IZUMO1: variants seen among roughly 807,000 people sequenced by gnomAD.
IZUMO1 encodes the protein izumo sperm-oocyte fusion 1.
In IZUMO1, 44 loss-of-function variants were observed where a neutral mutation model predicts 40.7. The observed-to-expected ratio is 1.08, with a 90% CI of 0.85 to 1.39. The LOEUF (loss-of-function observed/expected upper bound fraction) is 1.39, where lower values mean the gene tolerates loss of function less well. Ranked by LOEUF, IZUMO1 falls within the 40% of genes most tolerant of loss-of-function variation. IZUMO1 has a pLI of 0.00. For synonymous variants in IZUMO1, 149 were observed against 170.9 expected, an observed-to-expected ratio of 0.87 and a Z score of 1.00; for missense variants, 368 against 436.9, an observed-to-expected ratio of 0.84 and a Z score of 1.41.
rs2033890404 is a variant in IZUMO1 at position 48,746,556 on chromosome 19, C to A, written c.-195G>T. The A allele has an allele frequency of 6.1e-6, 6 of 985,934 alleles. No homozygotes were observed. Among genetic ancestry groups the A allele is most frequent in the Non-Finnish European group, 7.2e-6 (6 of 830,310 alleles). The allele number at this position is 985,934 out of a possible 1,614,324, so 61.1% of individuals were successfully genotyped here. ...ACGGGCTCCCAATTTGCAGGGCGCA[C>A]CCTTCCGCTTAGAAAAAGGAGCCCC... is the stretch of plus-strand genomic sequence containing the variant. On this transcript the variant is annotated 5_prime_UTR_variant, in exon 1 of 10. Coordinates refer to ENST00000332955, the MANE Select transcript of IZUMO1 (RefSeq NM_182575.3).
chr19:48,743,272 C>T (rs1485889909), intron 6 of IZUMO1, 173 bp downstream of exon 6: 4 of 612,110 alleles, frequency 6.5e-6, no homozygotes, highest in East Asian at 2.8e-5. Flanking sequence ...CCAATCCTCC[C>T]GTCTCAGCCT....
chr19:48,746,899 A>T lies in IZUMO1; in HGVS notation c.-538T>A, dbSNP rs1034758603. ...CTCACGTAGGGGCCCGAATTCCTTT[A>T]TAGATATTCCTTGGGGTTTTCCTCG... On this transcript the variant is annotated 5_prime_UTR_variant, in exon 1 of 10. Coordinates refer to ENST00000332955, the MANE Select transcript of IZUMO1 (RefSeq NM_182575.3). 1 of 985,210 alleles carries T rather than the reference A, an allele frequency of 1.0e-6. No individual in the cohort carries two copies. The highest frequency in any genetic ancestry group is 1.2e-6 in the Non-Finnish European group (1 of 829,896). The allele number at this position is 985,210 out of a possible 1,614,324, so 61.0% of individuals were successfully genotyped here. A position where few individuals can be genotyped will look rare whatever the true frequency, so the allele number is the denominator to read the frequency against.
rs753318843 is a variant in IZUMO1, at chr19:48,741,435, G to A, written c.798C>T (p.Ile266=). Residue 266 remains isoleucine, a synonymous_variant, in exon 9 of 10, where the codon ATC becomes ATT. Coordinates refer to ENST00000332955, the MANE Select transcript of IZUMO1 (RefSeq NM_182575.3). The surrounding 1 kb of genome is among the most constrained non-coding windows in gnomAD (Gnocchi z 4.4). ...CCGTGGTCGCCTCCCCCGGGGTTAC[G>A]ATATTTGGAGAAGGTTTTTCCTCCT... The part of the protein sequence containing the change: ...MIKEEKPSPN[I]VTPGEATTES... 4.3e-5 allele frequency: 69 copies of A among 1,612,878 alleles called. 2 individuals are homozygous for A. In the South Asian group the frequency reaches 6.8e-4, roughly 16 times the overall value.
chr19:48,745,396 TAAG>T, intron 2 of IZUMO1, 108 bp from the exon 3 acceptor site: 1 of 1,122,422 alleles, frequency 8.9e-7, no homozygotes, highest in Non-Finnish European at 1.3e-6. Flanking sequence ...TAGGCCTGGT[TAAG>T]GACTCAGCCG....
chr19:48,746,094 A>G, intron 1 of IZUMO1, 162 bp from the exon 2 acceptor site: 1 of 1,382,752 alleles, frequency 7.2e-7, no homozygotes. Flanking sequence ...GCCCCAATCC[A>G]GGGGACCCAA....
At position 48,743,473 on chromosome 19, in the gene IZUMO1, G is replaced by T; in HGVS notation, c.471C>A (p.His157Gln). Reference protein sequence around the residue: ...IWCKNCKKEVHACRKSYDCGE... With the variant: ...IWCKNCKKEVQACRKSYDCGE... ...CGCAATCGTAGGACTTTCGACAAGC[G>T]TGAACCTCCTTTTTGCAGTTCTTGC... Residue 157 changes from histidine to glutamine, a missense_variant, in exon 6 of 10, where the codon CAC (histidine) becomes CAA (glutamine). Coordinates refer to ENST00000332955, the MANE Select transcript of IZUMO1 (RefSeq NM_182575.3). 6.2e-7 allele frequency: 1 copy of T among 1,614,094 alleles called. No individual in the cohort carries two copies. Among genetic ancestry groups the T allele is most frequent in the Non-Finnish European group, 8.5e-7 (1 of 1,179,998 alleles).
intron 2 of IZUMO1, 119 bp downstream of exon 2, chr19:48,745,506 G>A: frequency 7.9e-7 from 1 of 1,266,630 alleles, no homozygotes; most frequent in Non-Finnish European, 1.1e-6. Context: ...CTCGGAATCT[G>A]CATCTCAGCC....
chr19:48,741,152 A>T lies in IZUMO1; in HGVS notation c.933-124T>A. 6.7e-7 allele frequency: 1 copy of T among 1,491,926 alleles called. No homozygotes were observed. Among genetic ancestry groups the T allele is most frequent in the South Asian group, 1.2e-5 (1 of 80,006 alleles). 92.4% of individuals were successfully genotyped at this position (1,491,926 alleles called of 1,614,324 possible). On this transcript the variant is annotated intron_variant, in intron 9 of 9. Transcript: ENST00000332955. This position sits in a 1 kb window ranked among gnomAD's most constrained non-coding sequence, Gnocchi z 4.4. ...CAATTACCTAAGCCTCGCCCTTCGA[A>T]GTCCTCCTATTCAAGCCCCCCGCAC...
Position 48,741,481 on chromosome 19 carries a change from G to T in IZUMO1, c.755-3C>A, listed in dbSNP as rs779990287. 1 of 1,601,954 alleles carries T rather than the reference G, an allele frequency of 6.2e-7. No homozygotes were observed. Reference sequence around the variant, plus strand: ...CTCCTTGATCATTTTGGGCAACACTGTTAGAGAAAGCGTAAAGAGCAGTCC... The same window carrying T: ...CTCCTTGATCATTTTGGGCAACACTTTTAGAGAAAGCGTAAAGAGCAGTCC... On this transcript the variant is annotated splice_polypyrimidine_tract_variant and splice_region_variant and intron_variant, in intron 8 of 9. Coordinates refer to ENST00000332955, the MANE Select transcript of IZUMO1 (RefSeq NM_182575.3). The surrounding 1 kb of genome is among the most constrained non-coding windows in gnomAD (Gnocchi z 4.4).
chr19:48,742,184 G>C (rs762502995), intron 7 of IZUMO1, 25 bp downstream of exon 7: 1 of 1,571,100 alleles, frequency 6.4e-7, no homozygotes, highest in African/African-American at 1.4e-5. Context: ...GGGAGTTCAA[G>C]GGTTACAGAA....
In IZUMO1 at chr19:48,743,639, G is replaced by A. The variant is rs183026069; in HGVS notation, c.419-114C>T. On this transcript the variant is annotated intron_variant, in intron 5 of 9. Coordinates refer to ENST00000332955, the MANE Select transcript of IZUMO1 (RefSeq NM_182575.3). Reference sequence around the variant, plus strand: ...CTATGACATTCCTAGATGGTCAGACGAAGGCACAGGACCAGGACGCAGGTA... The same window carrying A: ...CTATGACATTCCTAGATGGTCAGACAAAGGCACAGGACCAGGACGCAGGTA... 3.1e-4 allele frequency: 242 copies of A among 790,100 alleles called. No individual in the cohort carries two copies. In the East Asian group the frequency reaches 5.2e-3, roughly 17 times the overall value. 48.9% of individuals were successfully genotyped at this position (790,100 alleles called of 1,614,324 possible).
chr19:48,741,918 A>C lies in IZUMO1; in HGVS notation c.625T>G (p.Leu209Val), dbSNP rs1231475849. 9 of 1,609,442 alleles carry C rather than the reference A, an allele frequency of 5.6e-6. No homozygotes were observed. The highest frequency in any genetic ancestry group is 7.6e-6 in the Non-Finnish European group (9 of 1,177,078). ...YRVWGNNTET[L>V]VSKGKEATLT... ...GTGGCCTCTTTCCCCTTGGACACCA[A>C]GGTCTCCGTATTGTTCCCCCAAACC... Residue 209 changes from leucine (L) to valine (V), a missense_variant, in exon 8 of 10, where the codon TTG becomes GTG. Physicochemically the swap from Leu to Val is conservative, Grantham distance 32. Transcript: ENST00000332955. This position sits in a 1 kb window ranked among gnomAD's most constrained non-coding sequence, Gnocchi z 4.4.
chr19:48,746,170 A>G, intron 1 of IZUMO1: 6 of 1,204,208 alleles, frequency 5.0e-6, no homozygotes, highest in Non-Finnish European at 5.2e-6. Context: ...GGAATCACTC[A>G]TAAGTCCCCA....
rs1489405259 is a variant in IZUMO1, at chr19:48,741,995, G to A, written c.601-53C>T. ...GGCCTGAGGAATTCAGGGGTTGGGG[G>A]AGTACAGGGGTGAGAAGATCACAGG... On this transcript the variant is annotated intron_variant, in intron 7 of 9. Coordinates refer to ENST00000332955, the MANE Select transcript of IZUMO1 (RefSeq NM_182575.3). This position sits in a 1 kb window ranked among gnomAD's most constrained non-coding sequence, Gnocchi z 4.4. 11 of 1,547,782 alleles carry A rather than the reference G, an allele frequency of 7.1e-6. No homozygotes were observed. The Admixed American group carries it at 1.7e-4, about 25-fold the overall frequency.
At chr19:48,745,332 A>G (rs1390018780) in intron 2 of IZUMO1, 44 bp from the exon 3 acceptor site, 5 of 1,542,966 alleles carry the variant, frequency 3.2e-6, no homozygotes, top group Middle Eastern at 3.4e-4. Context: ...TTACTGTCTC[A>G]TTGGCGCGCC....
intron 3 of IZUMO1, 90 bp from the exon 4 acceptor site, chr19:48,744,629 T>C: frequency 1.1e-6 from 1 of 949,872 alleles, no homozygotes; most frequent in Non-Finnish European, 1.7e-6. Flanking sequence ...TTCCTGGCCT[T>C]CTCAGGAAAG....
At position 48,741,563 on chromosome 19, in the gene IZUMO1, A is replaced by G; in HGVS notation, c.755-85T>C. 6.9e-7 allele frequency: 1 copy of G among 1,441,618 alleles called. No homozygotes were observed. The highest frequency in any genetic ancestry group is 9.5e-7 in the Non-Finnish European group (1 of 1,053,230). 89.3% of individuals were successfully genotyped at this position (1,441,618 alleles called of 1,614,324 possible). On this transcript the variant is annotated intron_variant, in intron 8 of 9. Transcript: ENST00000332955. The surrounding 1 kb of genome is among the most constrained non-coding windows in gnomAD (Gnocchi z 4.4). ...GACAAGCCCGTCCCAGTAGCCGGCC[A>G]TCCCAGAGATAATCACGCCTTCAAC...
chr19:48,744,530 A>C lies in IZUMO1; in HGVS notation c.320T>G (p.Phe107Cys). ...CAACATCCAAAATAGCTCCTTCACG[A>C]AGAGATCGCCTGGGAAGACACAGGA... ...ITDSDVKGDLFVKELFWMLHL... is the reference protein window; with the variant it reads ...ITDSDVKGDLCVKELFWMLHL... The change falls in exon 4 of 10, where the codon TTC becomes TGC. Residue 107 changes from phenylalanine (F) to cysteine (C), a missense_variant. By Grantham distance (205) the Phe-to-Cys change is radical. Transcript: ENST00000332955. 1 of 1,612,472 alleles carries C rather than the reference A, an allele frequency of 6.2e-7. No individual in the cohort carries two copies. Among genetic ancestry groups the C allele is most frequent in the Non-Finnish European group, 8.5e-7 (1 of 1,178,506 alleles).
In IZUMO1 at chr19:48,741,737, C is replaced by T; in HGVS notation, c.754+52G>A. 1 of 1,509,890 alleles carries T rather than the reference C, an allele frequency of 6.6e-7. No individual in the cohort carries two copies. The highest frequency in any genetic ancestry group is 1.3e-5 in the South Asian group (1 of 74,882). 93.5% of individuals were successfully genotyped at this position (1,509,890 alleles called of 1,614,324 possible). A position where few individuals can be genotyped will look rare whatever the true frequency, so the allele number is the denominator to read the frequency against. ...AAGGCCACGCCCCCGCCGCGGACCC[C>T]AGCTTTCCTGGGCCCTGAATCCTAC... On this transcript the variant is annotated intron_variant, in intron 8 of 9. Transcript: ENST00000332955. The surrounding 1 kb of genome is among the most constrained non-coding windows in gnomAD (Gnocchi z 4.4).
Sources: gnomAD v4.1 joint callset for allele counts on GRCh38, gnomAD v4.1.1 for gene constraint, Gnocchi (gnomAD v3.1) non-coding constraint, MANE v1.5 for transcripts, NCBI Gene and HGNC (gene_info 2026-07-23, HGNC 2026-07-21) for gene names.